Variants in TIMMDC1 observed in about 807,000 individuals in gnomAD.
The protein encoded by TIMMDC1 is complex I assembly factor TIMMDC1, mitochondrial.
A neutral mutation model predicts 32.6 loss-of-function variants in TIMMDC1; 25 were observed. That is an observed-to-expected ratio of 0.77 (90% CI 0.56 to 1.07). The LOEUF (loss-of-function observed/expected upper bound fraction) is 1.07, where lower values mean the gene tolerates loss of function less well. Among genes scored for constraint, TIMMDC1 ranks in the 50% least tolerant of loss-of-function variants. The probability of loss-of-function intolerance (pLI) is 0.00; values close to 1 mark genes in which losing one functional copy is unlikely to be tolerated. For synonymous variants in TIMMDC1, 130 were observed against 127.6 expected (o/e 1.02, Z -0.13); for missense variants, 329 against 349.2 (o/e 0.94, Z 0.46).
intron 2 of TIMMDC1, among the ~76,000 whole-genome samples, chr3:119,501,424 A>G (rs1560044942): frequency 6.6e-6 from 1 of 152,156 alleles, no homozygotes; most frequent in Non-Finnish European, 1.5e-5. Flanking sequence ...TTGTTTTATC[A>G]TTCTCCCTCT....
chr3:119,513,218 T>G (rs2081965631), intron 4 of TIMMDC1, among the ~76,000 whole-genome samples: 1 of 152,164 alleles, frequency 6.6e-6, no homozygotes, highest in African/African-American at 2.4e-5. Flanking sequence ...CTTGTCACCC[T>G]GCCTGAGTGG....
chr3:119,513,091 A>G (rs2081965034), intron 4 of TIMMDC1, among the ~76,000 whole-genome samples: 1 of 152,210 alleles, frequency 6.6e-6, no homozygotes, highest in South Asian at 2.1e-4. Flanking sequence ...CATTAGTTGC[A>G]TTGTGCATAG....
intron 4 of TIMMDC1, among the ~76,000 whole-genome samples, chr3:119,510,207 T>C (rs1338606902): frequency 6.6e-6 from 1 of 152,156 alleles, no homozygotes; most frequent in Admixed American, 6.5e-5. Flanking sequence ...ATAAATAGCC[T>C]TTTTATATTT....
intron 4 of TIMMDC1, among the ~76,000 whole-genome samples, chr3:119,504,454 A>T (rs2081902961): frequency 6.6e-6 from 1 of 152,206 alleles, no homozygotes; most frequent in African/African-American, 2.4e-5. Flanking sequence ...ACATTTCCTT[A>T]AAAGCAGGAT....
At chr3:119,505,271 A>G (rs1195695234) in intron 4 of TIMMDC1, among the ~76,000 whole-genome samples, 1 of 152,222 alleles carries the variant, frequency 6.6e-6, no homozygotes, top group Non-Finnish European at 1.5e-5. Flanking sequence ...CATTCGTTTC[A>G]GAAAGGTAAG....
chr3:119,517,395 A>G, intron 6 of TIMMDC1, 80 bp downstream of exon 6: 1 of 841,868 alleles, frequency 1.2e-6, no homozygotes, highest in Non-Finnish European at 2.0e-6. Context: ...AAACTTATGT[A>G]CTCTAAACTG....
Position 119,498,550 on chromosome 3 carries a change from G to GT in TIMMDC1, c.-183dup. 2 of 590,700 alleles carry GT rather than the reference G, an allele frequency of 3.4e-6. No homozygotes were observed. The highest frequency in any genetic ancestry group is 5.9e-6 in the Non-Finnish European group (2 of 340,690). The allele number at this position is 590,700 out of a possible 1,614,324, so 36.6% of individuals were successfully genotyped here. On this transcript the variant is annotated 5_prime_UTR_variant, in exon 1 of 7. Coordinates refer to ENST00000494664, the MANE Select transcript of TIMMDC1 (RefSeq NM_016589.4). ...CCGGTCGGGCGGGACTTCCTGTGTC[G>GT]TATTTCCAAGGACTCCAAAGCGAGG...
intron 2 of TIMMDC1, among the ~76,000 whole-genome samples, chr3:119,502,990 TC>T (rs1264732760): frequency 1.3e-5 from 2 of 152,150 alleles, no homozygotes; most frequent in Non-Finnish European, 2.9e-5. Context: ...TGTTTTCCCT[TC>T]CCCCCTCTAT....
Position 119,500,853 on chromosome 3 carries a change from A to T in TIMMDC1, c.353A>T (p.Asp118Val). The T allele has an allele frequency of 6.2e-7, 1 of 1,613,730 alleles. No individual in the cohort carries two copies. Among genetic ancestry groups the T allele is most frequent in the Non-Finnish European group, 8.5e-7 (1 of 1,179,788 alleles). ...GCAGAAATTTATCATAACCGGTTTG[A>T]TGCTGTGGTATGTACTGGTGATCTA... ...SQAEIYHNRF[D>V]AVQSAHRAAT... The change falls in exon 2 of 7, where the codon GAT becomes GTT. Residue 118 changes from aspartate (D) to valine (V), a missense_variant. By Grantham distance (152) the Asp-to-Val change is radical. Coordinates refer to ENST00000494664, the MANE Select transcript of TIMMDC1 (RefSeq NM_016589.4).
intron 2 of TIMMDC1, 84 bp from the exon 3 acceptor site, chr3:119,503,448 T>C (rs1212735586): frequency 9.8e-5 from 94 of 959,956 alleles, no homozygotes; most frequent in Admixed American, 1.9e-4. Flanking sequence ...GACTAATCCA[T>C]AGCTAAAATT....
chr3:119,512,336 T>G (rs1418761400), intron 4 of TIMMDC1, among the ~76,000 whole-genome samples: 3 of 152,210 alleles, frequency 2.0e-5, no homozygotes, highest in Non-Finnish European at 4.4e-5. Flanking sequence ...AAGAGTGCAG[T>G]GACGCGATCT....
chr3:119,508,028 C>A (rs1372153372), intron 4 of TIMMDC1, among the ~76,000 whole-genome samples: 2 of 152,150 alleles, frequency 1.3e-5, no homozygotes, highest in Non-Finnish European at 2.9e-5. Flanking sequence ...CTGACAAAAC[C>A]CCAATAGTTT....
chr3:119,503,455 A>G (rs1267147856), intron 2 of TIMMDC1, 77 bp from the exon 3 acceptor site: 1 of 1,117,594 alleles, frequency 8.9e-7, no homozygotes, highest in Non-Finnish European at 1.3e-6. Context: ...CCATAGCTAA[A>G]ATTCCTCTAC....
chr3:119,521,549 T>TAGTC (rs34072351), intron 6 of TIMMDC1, among the ~76,000 whole-genome samples: 22,661 of 151,606 alleles, frequency 0.15, 4,416 homozygotes, highest in African/African-American at 0.45. Flanking sequence ...AAAAGAAAAT[T>TAGTC]AGGCACAGTA....
At position 119,503,555 on chromosome 3, in the gene TIMMDC1, A is replaced by T. The variant is rs769102288; in HGVS notation, c.384A>T (p.Thr128=). Residue 128 remains threonine, a synonymous_variant, in exon 3 of 7, where the codon ACA becomes ACT. Coordinates refer to ENST00000494664, the MANE Select transcript of TIMMDC1 (RefSeq NM_016589.4). ...AGCAATCTGCACATCGTGCTGCCAC[A>T]CGAGGCTTCATTCGTTATGGCTGGC... ...DAVQSAHRAA[T]RGFIRYGWRW... is the part of the protein sequence containing the mutation. The T allele has an allele frequency of 3.7e-6, 6 of 1,612,046 alleles. No individual in the cohort carries two copies. The highest frequency in any genetic ancestry group is 3.4e-6 in the Non-Finnish European group (4 of 1,179,420).
At chr3:119,512,525 G>A (rs555957084) in intron 4 of TIMMDC1, among the ~76,000 whole-genome samples, 4 of 152,116 alleles carry the variant, frequency 2.6e-5, no homozygotes, top group East Asian at 1.9e-4. Context: ...TGATCCACCC[G>A]TCTCGGCCTC....
In TIMMDC1 at chr3:119,524,325, C is replaced by G. The variant is rs1254328002; in HGVS notation, c.*569C>G. Reference sequence around the variant, plus strand: ...AGAAACGGTTCAACTTTGTTTCTTCCCTTAGTATTGCTGACAAAGTATCTG... The same window carrying G: ...AGAAACGGTTCAACTTTGTTTCTTCGCTTAGTATTGCTGACAAAGTATCTG... On this transcript the variant is annotated 3_prime_UTR_variant, in exon 7 of 7. Transcript: ENST00000494664. 3 of 152,188 alleles carry G rather than the reference C, an allele frequency of 2.0e-5. No individual in the cohort carries two copies. Among genetic ancestry groups the G allele is most frequent in the Admixed American group, 2.0e-4 (3 of 15,274 alleles). 9.4% of individuals were successfully genotyped at this position (152,188 alleles called of 1,614,324 possible). A position where few individuals can be genotyped will look rare whatever the true frequency, so the allele number is the denominator to read the frequency against.
intron 4 of TIMMDC1, among the ~76,000 whole-genome samples, chr3:119,507,717 A>AT (rs1249954713): frequency 6.6e-6 from 1 of 151,852 alleles, no homozygotes; most frequent in Non-Finnish European, 1.5e-5. Flanking sequence ...ATGCCTTGTA[A>AT]TTTTTTTTCT....
intron 3 of TIMMDC1, 134 bp downstream of exon 3, chr3:119,503,754 A>G (rs2081897019): frequency 9.6e-6 from 8 of 833,136 alleles, no homozygotes; most frequent in African/African-American, 1.7e-5. Flanking sequence ...TTTTTTTTCA[A>G]GAACTTTTCT....
Sources: allele counts gnomAD v4.1 joint callset (sites outside exome capture counted in the v4.1 genomes callset), GRCh38; gene constraint gnomAD v4.1.1; transcripts MANE v1.5; gene names NCBI Gene and HGNC (gene_info 2026-07-23, HGNC 2026-07-21).